The following C2orf92 variants were observed in gnomAD, a reference collection of about 807,000 sequenced individuals.
C2orf92 encodes chromosome 2 open reading frame 92, also known as uncharacterized protein C2orf92.
intron 1 of C2orf92, chr2:97,674,235 TC>T: frequency 2.8e-6 from 1 of 356,806 alleles, no homozygotes; most frequent in Non-Finnish European, 5.0e-6. Flanking sequence ...GGGTCATATA[TC>T]TTTAGTGGGC....
intron 3 of C2orf92, among the ~76,000 whole-genome samples, chr2:97,678,942 C>T (rs1023974719): frequency 6.0e-5 from 9 of 150,338 alleles, no homozygotes; most frequent in Admixed American, 3.3e-4. Flanking sequence ...TGCCCCACTG[C>T]ATTCCAGCCT....
At chr2:97,687,506 C>T (rs574225988) in intron 3 of C2orf92, among the ~76,000 whole-genome samples, 3 of 152,230 alleles carry the variant, frequency 2.0e-5, no homozygotes, top group Admixed American at 6.5e-5. Flanking sequence ...TGAACCACAG[C>T]TGTCTGCTGA....
At chr2:97,700,592 T>C (rs1676460238) in intron 6 of C2orf92, among the ~76,000 whole-genome samples, 2 of 152,122 alleles carry the variant, frequency 1.3e-5, no homozygotes, top group African/African-American at 4.8e-5. Flanking sequence ...GTATCCTCAG[T>C]GTCTCATCTC....
chr2:97,700,610 C>G (rs1338199733), intron 6 of C2orf92, among the ~76,000 whole-genome samples: 3 of 152,250 alleles, frequency 2.0e-5, no homozygotes, highest in South Asian at 2.1e-4. Flanking sequence ...CTCCACCCCC[C>G]AAAATCATCC....
chr2:97,680,256 G>T (rs1675724956), intron 3 of C2orf92, among the ~76,000 whole-genome samples: 2 of 152,188 alleles, frequency 1.3e-5, no homozygotes, highest in Admixed American at 6.5e-5. Context: ...CCGAGATCAT[G>T]CCACTGCATT....
At chr2:97,671,587 C>T (rs976559178) in intron 1 of C2orf92, 30 of 398,108 alleles carry the variant, frequency 7.5e-5, no homozygotes, top group African/African-American at 3.7e-4. Context: ...AACCTGTTCC[C>T]GCTGCTGTGA....
chr2:97,693,682 T>C (rs1388845227), intron 5 of C2orf92, among the ~76,000 whole-genome samples: 3 of 152,222 alleles, frequency 2.0e-5, no homozygotes, highest in African/African-American at 7.2e-5. Flanking sequence ...CTCAGGAATC[T>C]TGGGCCTGGG....
At chr2:97,676,570 G>A (rs984030292) in intron 3 of C2orf92, among the ~76,000 whole-genome samples, 1 of 151,128 alleles carries the variant, frequency 6.6e-6, no homozygotes, top group South Asian at 2.1e-4. Context: ...ACCAGCCTCA[G>A]CAACATATCA....
At chr2:97,665,106 T>C (rs931022527), upstream of C2orf92, among the ~76,000 whole-genome samples, 1 of 152,170 alleles carries the variant, frequency 6.6e-6, no homozygotes, top group Non-Finnish European at 1.5e-5. Context: ...CCCAAGATTA[T>C]TGGGTGTGGA....
chr2:97,670,075 G>A (rs758007049), intron 1 of C2orf92: 31 of 367,688 alleles, frequency 8.4e-5, no homozygotes, highest in Admixed American at 1.4e-4. Flanking sequence ...GCATACATGC[G>A]TATTTTAACT....
At chr2:97,683,285 G>T (rs1286213768) in intron 3 of C2orf92, among the ~76,000 whole-genome samples, 1 of 152,038 alleles carries the variant, frequency 6.6e-6, no homozygotes, top group African/African-American at 2.4e-5. Flanking sequence ...AATACTTAGA[G>T]ATAAACTTAG....
upstream of C2orf92, chr2:97,665,824 C>G (rs753979203): frequency 1.3e-5 from 2 of 149,476 alleles, no homozygotes; most frequent in South Asian, 4.3e-4. Context: ...GTTGCCCAAG[C>G]TGGAGTGCAG....
intron 4 of C2orf92, among the ~76,000 whole-genome samples, chr2:97,689,629 G>A (rs1471766856): frequency 6.6e-6 from 1 of 152,142 alleles, no homozygotes; most frequent in African/African-American, 2.4e-5. Flanking sequence ...GGCAGGGAGG[G>A]GGAATGGGCA....
intron 3 of C2orf92, among the ~76,000 whole-genome samples, chr2:97,679,245 A>C (rs1675682179): frequency 6.6e-6 from 1 of 152,192 alleles, no homozygotes; most frequent in Admixed American, 6.5e-5. Context: ...TTCATCTATA[A>C]CTTCTGCCTT....
chr2:97,668,248 A>G (rs568754496), upstream of C2orf92: 1 of 152,272 alleles, frequency 6.6e-6, no homozygotes, highest in African/African-American at 2.4e-5. Context: ...TGTGGTTACC[A>G]TGACCTGCTG....
chr2:97,685,796 C>T (rs1446373157), intron 3 of C2orf92, among the ~76,000 whole-genome samples: 1 of 152,124 alleles, frequency 6.6e-6, no homozygotes, highest in South Asian at 2.1e-4. Context: ...CTCCTGACCT[C>T]AGGTGATCTG....
chr2:97,677,436 T>C (rs1675620242), intron 3 of C2orf92: 1 of 152,244 alleles, frequency 6.6e-6, no homozygotes, highest in Non-Finnish European at 1.5e-5. Context: ...AGGAAACTTT[T>C]ATCAGGTCAT....
At chr2:97,675,681 C>G (rs1055196028) in intron 2 of C2orf92, 164 bp from the exon 3 acceptor site, 1 of 396,390 alleles carries the variant, frequency 2.5e-6, no homozygotes, top group Non-Finnish European at 4.4e-6. Context: ...ACTTCAGATG[C>G]TTGCAGACAC....
chr2:97,690,129 A>G (rs1676078961), intron 4 of C2orf92, 127 bp from the exon 5 acceptor site: 1 of 360,978 alleles, frequency 2.8e-6, no homozygotes, highest in Admixed American at 4.7e-5. Flanking sequence ...ACTCTGTCTC[A>G]AAAGACAAAA....
Sources: allele counts gnomAD v4.1 joint callset (sites outside exome capture counted in the v4.1 genomes callset), GRCh38; gene constraint gnomAD v4.1.1; transcripts MANE v1.5; gene names NCBI Gene and HGNC (gene_info 2026-07-23, HGNC 2026-07-21).